The following TLE3 variants were observed in gnomAD, a reference collection of about 807,000 sequenced individuals.
The protein encoded by TLE3 is TLE family member 3, transcriptional corepressor.
Under a neutral mutation model 93.0 loss-of-function variants are expected in TLE3, and 14 were observed. The ratio of observed to expected loss-of-function variants is 0.15; its 90% CI spans 0.10 to 0.24. The LOEUF (loss-of-function observed/expected upper bound fraction) is 0.24. Among genes scored for constraint, TLE3 ranks in the 10% least tolerant of loss-of-function variants. TLE3 has a pLI of 1.00. For missense variants in TLE3, 693 were observed against 1,046.6 expected (o/e 0.66, Z 4.66); for synonymous variants, 451 against 425.0 (o/e 1.06, Z -0.75).
intron 13 of TLE3, among the ~76,000 whole-genome samples, chr15:70,056,669 C>A (rs1160165468): frequency 2.0e-5 from 3 of 152,156 alleles, no homozygotes; most frequent in Non-Finnish European, 4.4e-5. Flanking sequence ...AGTGGGCCTG[C>A]CAGTGGAGAG....
At chr15:70,054,798 T>C in intron 15 of TLE3, 113 bp from the exon 16 acceptor site, 2 of 1,387,880 alleles carry the variant, frequency 1.4e-6, no homozygotes, top group Admixed American at 2.8e-5. Context: ...AGCCTCCCCC[T>C]ATACCCAGCA....
At chr15:70,074,478 A>C (rs756434283) in intron 6 of TLE3, 55 bp downstream of exon 6, 4 of 1,567,916 alleles carry the variant, frequency 2.6e-6, no homozygotes, top group Admixed American at 1.9e-5. Context: ...ATGATAAATG[A>C]GAGGAATAAA....
intron 4 of TLE3, among the ~76,000 whole-genome samples, chr15:70,082,266 G>A (rs886754269): frequency 2.6e-5 from 4 of 152,082 alleles, no homozygotes; most frequent in South Asian, 2.1e-4. Context: ...TCCTTAGGCC[G>A]AGCTCAGAGA....
intron 4 of TLE3, among the ~76,000 whole-genome samples, chr15:70,081,482 T>C (rs1256762614): frequency 2.0e-5 from 3 of 152,196 alleles, no homozygotes; most frequent in African/African-American, 7.2e-5. Flanking sequence ...CGCTTCACTG[T>C]GGAAGAGCCT....
At chr15:70,077,311 A>C (rs1217302341) in intron 4 of TLE3, among the ~76,000 whole-genome samples, 1 of 152,186 alleles carries the variant, frequency 6.6e-6, no homozygotes, top group East Asian at 1.9e-4. Context: ...TTCTTATCTC[A>C]TTCTGAATCC....
At position 70,097,224 on chromosome 15, in the gene TLE3, C is replaced by A. The variant is rs2058607787; in HGVS notation, c.-426G>T. 2.5e-6 allele frequency: 1 copy of A among 404,172 alleles called. No homozygotes were observed. Among genetic ancestry groups the A allele is most frequent in the South Asian group, 1.1e-4 (1 of 9,212 alleles). 25.0% of individuals were successfully genotyped at this position (404,172 alleles called of 1,614,324 possible). ...GCCCCCTCCGGGTCACTCAGCGGGT[C>A]GCGCCTGTAGGGGGGCGCGCCGGGG... On this transcript the variant is annotated 5_prime_UTR_variant, in exon 1 of 20. Coordinates refer to ENST00000451782, the MANE Select transcript of TLE3 (RefSeq NM_001105192.3).
chr15:70,063,521 T>C (rs1373793258), intron 8 of TLE3, among the ~76,000 whole-genome samples: 1 of 152,114 alleles, frequency 6.6e-6, no homozygotes, highest in African/African-American at 2.4e-5. Flanking sequence ...GAGGGCTGGA[T>C]TGGAGAGAGC....
At position 70,056,347 on chromosome 15, in the gene TLE3, G is replaced by A. The variant is rs1214518244; in HGVS notation, c.1279C>T (p.Arg427Trp). ...AGGCTTGAGGGGAGGCCTGTGGCCC[G>A]CATCGGGGGGTGAGGGTCAAAACCA... ...AVGFDPHPPM[R>W]ATGLPSSLAS... is the part of the protein sequence containing the mutation. The change falls in exon 14 of 20, where the codon CGG becomes TGG. Residue 427 changes from arginine to tryptophan, a missense_variant. This residue lies in a region of TLE3 where 405 missense variants were observed against 468.9 expected (regional missense o/e 0.86). Transcript: ENST00000451782. 1 of 1,613,442 alleles carries A rather than the reference G, an allele frequency of 6.2e-7. No individual in the cohort carries two copies.
intron 4 of TLE3, among the ~76,000 whole-genome samples, chr15:70,078,929 G>A (rs572354087): frequency 6.6e-6 from 1 of 152,268 alleles, no homozygotes; most frequent in East Asian, 1.9e-4. Flanking sequence ...AGGGTCTCGG[G>A]AGTTGACAAA....
intron 4 of TLE3, among the ~76,000 whole-genome samples, chr15:70,093,228 A>G (rs888652717): frequency 6.6e-6 from 1 of 152,236 alleles, no homozygotes; most frequent in African/African-American, 2.4e-5. Flanking sequence ...GGAAGCCACA[A>G]GCTGGCTTCC....
At chr15:70,060,344 C>A (rs776885992) in intron 9 of TLE3, among the ~76,000 whole-genome samples, 186 bp downstream of exon 9, 1 of 152,192 alleles carries the variant, frequency 6.6e-6, no homozygotes, top group Non-Finnish European at 1.5e-5. Context: ...ATGCTCATAG[C>A]GTGTGTGAAC....
At chr15:70,060,761 C>A in intron 8 of TLE3, 112 bp from the exon 9 acceptor site, 1 of 1,536,164 alleles carries the variant, frequency 6.5e-7, no homozygotes, top group African/African-American at 1.4e-5. Context: ...GGAAGAGAAG[C>A]TGAACTCCTC....
rs2056448374 is a variant in TLE3, at chr15:70,061,144, G to A, written c.595-495C>T. Among the ~76,000 whole-genome samples, 2 of 152,160 alleles carry A rather than the reference G, an allele frequency of 1.3e-5. 1 individual carries two copies. The highest frequency in any genetic ancestry group is 4.1e-4 in the South Asian group (2 of 4,834). ...GAATGGGGAGATTGATAGGGAAGGA[G>A]GGCGTCAGGCAGCCACCAACTTCCC... On this transcript the variant is annotated intron_variant, in intron 8 of 19. Coordinates refer to ENST00000451782, the MANE Select transcript of TLE3 (RefSeq NM_001105192.3).
chr15:70,048,863 G>A lies in TLE3; in HGVS notation c.*1234C>T, dbSNP rs367705933. 1.3e-5 allele frequency: 2 copies of A among 152,012 alleles called. No individual in the cohort carries two copies. Among genetic ancestry groups the A allele is most frequent in the African/African-American group, 4.8e-5 (2 of 41,358 alleles). The allele number at this position is 152,012 out of a possible 1,614,324, so 9.4% of individuals were successfully genotyped here. ...CTGCTCTGCCCAGGGTGGGGGTGAGGGGGATCCTCTTTTCAGACTCACAAC... is the reference window on the plus strand; with the variant it reads ...CTGCTCTGCCCAGGGTGGGGGTGAGAGGGATCCTCTTTTCAGACTCACAAC... On this transcript the variant is annotated 3_prime_UTR_variant, in exon 20 of 20. Transcript: ENST00000451782.
In TLE3 at chr15:70,058,481, G is replaced by GT; in HGVS notation, c.918+181dup. The GT allele has an allele frequency of 7.8e-7, 1 of 1,281,956 alleles. No homozygotes were observed. The highest frequency in any genetic ancestry group is 1.1e-6 in the Non-Finnish European group (1 of 943,104). 79.4% of individuals were successfully genotyped at this position (1,281,956 alleles called of 1,614,324 possible). ...GGGTGATCACTCCCATTTTACAGAC[G>GT]TAGCAACCGAGGCTCAGAAACGTTA... On this transcript the variant is annotated intron_variant, in intron 11 of 19. Transcript: ENST00000451782. The surrounding 1 kb of genome is among the most constrained non-coding windows in gnomAD (Gnocchi z 4.1).
chr15:70,063,356 T>C (rs531536886), intron 8 of TLE3, among the ~76,000 whole-genome samples: 1 of 152,322 alleles, frequency 6.6e-6, no homozygotes, highest in South Asian at 2.1e-4. Context: ...TCAGCTTCAA[T>C]GACTCCTCTC....
chr15:70,058,533 C>G lies in TLE3; in HGVS notation c.918+130G>C. 1.4e-6 allele frequency: 2 copies of G among 1,382,142 alleles called. No homozygotes were observed. The highest frequency in any genetic ancestry group is 1.9e-6 in the Non-Finnish European group (2 of 1,039,682). The allele number at this position is 1,382,142 out of a possible 1,614,324, so 85.6% of individuals were successfully genotyped here. On this transcript the variant is annotated intron_variant, in intron 11 of 19. Coordinates refer to ENST00000451782, the MANE Select transcript of TLE3 (RefSeq NM_001105192.3). The surrounding 1 kb of genome is among the most constrained non-coding windows in gnomAD (Gnocchi z 4.1). ...CTCATTAGCACAGGCCCAGCAGGCA[C>G]AGAAGGTAAACCGGGGCCAATCACC...
At position 70,058,458 on chromosome 15, in the gene TLE3, G is replaced by C; in HGVS notation, c.919-167C>G. The C allele has an allele frequency of 7.6e-7, 1 of 1,317,726 alleles. No individual in the cohort carries two copies. The highest frequency in any genetic ancestry group is 1.5e-5 in the South Asian group (1 of 68,796). The allele number at this position is 1,317,726 out of a possible 1,614,324, so 81.6% of individuals were successfully genotyped here. A position where few individuals can be genotyped will look rare whatever the true frequency, so the allele number is the denominator to read the frequency against. ...CCAACCTTGTTTGGCAGGGACTGGG[G>C]TGATCACTCCCATTTTACAGACGTA... On this transcript the variant is annotated intron_variant, in intron 11 of 19. Coordinates refer to ENST00000451782, the MANE Select transcript of TLE3 (RefSeq NM_001105192.3). The surrounding 1 kb of genome is among the most constrained non-coding windows in gnomAD (Gnocchi z 4.1).
At chr15:70,094,895 C>G in intron 3 of TLE3, 1 of 283,638 alleles carries the variant, frequency 3.5e-6, no homozygotes, top group Non-Finnish European at 6.6e-6. Flanking sequence ...ACACTGGGAC[C>G]CTCTTGTCCT....
Sources: allele counts gnomAD v4.1 joint callset (sites outside exome capture counted in the v4.1 genomes callset), GRCh38; gene constraint gnomAD v4.1.1; regional missense constraint gnomAD v4.1.1; non-coding constraint Gnocchi (gnomAD v3.1); transcripts MANE v1.5; gene names NCBI Gene and HGNC (gene_info 2026-07-23, HGNC 2026-07-21).